FTSJ3: variants seen among roughly 807,000 people sequenced by gnomAD.
FTSJ3 encodes pre-rRNA 2'-O-ribose RNA methyltransferase FTSJ3.
In FTSJ3, 46 loss-of-function variants were observed where a neutral mutation model predicts 111.5. The ratio of observed to expected loss-of-function variants is 0.41; its 90% CI spans 0.33 to 0.53. The LOEUF is 0.53. FTSJ3 is among the 20% of genes least tolerant of loss of function. The probability of loss-of-function intolerance (pLI) is 0.19; values close to 1 mark genes in which losing one functional copy is unlikely to be tolerated. For synonymous variants in FTSJ3, 408 were observed against 383.0 expected (o/e 1.07, Z -0.76); for missense variants, 1,075 against 1,063.8 (o/e 1.01, Z -0.15).
In FTSJ3 at chr17:63,820,895, A is replaced by T. The variant is rs1434836471; in HGVS notation, c.2016T>A (p.Ala672=). 1.2e-6 allele frequency: 2 copies of T among 1,614,088 alleles called. No individual in the cohort carries two copies. Among genetic ancestry groups the T allele is most frequent in the African/African-American group, 2.7e-5 (2 of 74,936 alleles). ...ILDPEGLALG[A]VIASSKKAKR... is the part of the protein sequence containing the mutation. Reference sequence around the variant, plus strand: ...TGGCCTTTTTGGAAGAGGCAATAACAGCACCTAGAGCAAGGCCTTCGGGGT... The same window carrying T: ...TGGCCTTTTTGGAAGAGGCAATAACTGCACCTAGAGCAAGGCCTTCGGGGT... The change falls in exon 18 of 21, where the codon GCT becomes GCA. Residue 672 remains alanine (A), a synonymous_variant. Coordinates refer to ENST00000427159, the MANE Select transcript of FTSJ3 (RefSeq NM_017647.4).
intron 2 of FTSJ3, 26 bp from the exon 3 acceptor site, chr17:63,826,698 A>G (rs1179728322): frequency 6.3e-7 from 1 of 1,584,178 alleles, no homozygotes; most frequent in Non-Finnish European, 8.7e-7. Flanking sequence ...AAGTGCGCAA[A>G]CTGCTTCACT....
At chr17:63,824,547 G>T in intron 10 of FTSJ3, 90 bp downstream of exon 10, 1 of 1,423,784 alleles carries the variant, frequency 7.0e-7, no homozygotes, top group Non-Finnish European at 9.9e-7. Flanking sequence ...CAAACCTTTA[G>T]CACAGCAATA....
At position 63,820,993 on chromosome 17, in the gene FTSJ3, T is replaced by C. The variant is rs76727299; in HGVS notation, c.1972+37A>G. 5,034 of 1,609,854 alleles carry C rather than the reference T, an allele frequency of 3.1e-3. 127 individuals carry two copies. In the African/African-American group the frequency reaches 0.059, roughly 19 times the overall value. Reference sequence around the variant, plus strand: ...CAATTCCCAATACTGAGACTTCCAGTGGTCTTTTCTCATTCCACTGCATAC... The same window carrying C: ...CAATTCCCAATACTGAGACTTCCAGCGGTCTTTTCTCATTCCACTGCATAC... On this transcript the variant is annotated intron_variant, in intron 17 of 20. Transcript: ENST00000427159.
chr17:63,821,911 A>C, intron 14 of FTSJ3, 68 bp from the exon 15 acceptor site: 1 of 1,613,204 alleles, frequency 6.2e-7, no homozygotes, highest in East Asian at 2.2e-5. Context: ...TGCCCTACTC[A>C]GGCTCTGGTA....
chr17:63,821,770 C>T lies in FTSJ3; in HGVS notation c.1549G>A (p.Glu517Lys), dbSNP rs750597049. ...TGTTCTTCCTGCAGTACTGCCTTTT[C>T]CTCCAGTGGTACCAGCAGTGGATTC... is the stretch of plus-strand genomic sequence containing the variant. ...EENPLLVPLE[E>K]KAVLQEEQAN... Residue 517 changes from glutamate (E) to lysine (K), a missense_variant, in exon 15 of 21, where the codon GAA becomes AAA. Coordinates refer to ENST00000427159, the MANE Select transcript of FTSJ3 (RefSeq NM_017647.4). The T allele has an allele frequency of 1.2e-6, 2 of 1,614,160 alleles. No homozygotes were observed. Among genetic ancestry groups the T allele is most frequent in the Admixed American group, 1.7e-5 (1 of 60,032 alleles).
chr17:63,820,444 T>C lies in FTSJ3; in HGVS notation c.2073-6A>G, dbSNP rs372143344. 5 of 1,613,432 alleles carry C rather than the reference T, an allele frequency of 3.1e-6. No homozygotes were observed. The highest frequency in any genetic ancestry group is 4.2e-6 in the Non-Finnish European group (5 of 1,179,710). ...CATCCTCATTAAATGTGTACCTGAG[T>C]GGAAAGGACATCTGTCTAATATCCA... On this transcript the variant is annotated splice_region_variant and splice_polypyrimidine_tract_variant and intron_variant, in intron 18 of 20. Coordinates refer to ENST00000427159, the MANE Select transcript of FTSJ3 (RefSeq NM_017647.4).
chr17:63,823,047 G>A (rs1278998170), intron 13 of FTSJ3, among the ~76,000 whole-genome samples: 1 of 152,128 alleles, frequency 6.6e-6, no homozygotes, highest in East Asian at 1.9e-4. Context: ...GTACAACAAA[G>A]ATGACCTGAT....
chr17:63,824,201 T>C lies in FTSJ3; in HGVS notation c.1037A>G (p.Asp346Gly). ...SGEEDEGDEEDSTAGTTKQPS... is the reference protein window; with the variant it reads ...SGEEDEGDEEGSTAGTTKQPS... ...CTGCTTTGTGGTTCCAGCTGTTGAGTCCTCCTCATCACCTTCATCTTCCTC... is the reference window on the plus strand; with the variant it reads ...CTGCTTTGTGGTTCCAGCTGTTGAGCCCTCCTCATCACCTTCATCTTCCTC... The change falls in exon 12 of 21, where the codon GAC (aspartate) becomes GGC (glycine). Residue 346 changes from aspartate to glycine, a missense_variant. By Grantham distance (94) the Asp-to-Gly change is moderately conservative. This residue lies in a region of FTSJ3 where 867 missense variants were observed against 796.9 expected (regional missense o/e 1.09). Transcript: ENST00000427159. 6.2e-7 allele frequency: 1 copy of C among 1,614,000 alleles called. No individual in the cohort carries two copies. The highest frequency in any genetic ancestry group is 8.5e-7 in the Non-Finnish European group (1 of 1,180,006).
intron 13 of FTSJ3, 30 bp from the exon 14 acceptor site, chr17:63,822,198 A>G: frequency 6.3e-7 from 1 of 1,595,616 alleles, no homozygotes; most frequent in Non-Finnish European, 8.6e-7. Context: ...AAGGTAAACT[A>G]TTTAAAAGGA....
intron 5 of FTSJ3, 112 bp downstream of exon 5, chr17:63,825,944 C>G (rs934685299): frequency 3.6e-6 from 3 of 845,050 alleles, no homozygotes; most frequent in African/African-American, 1.7e-5. Flanking sequence ...GTACAGATGT[C>G]AGGCAAGAAC....
chr17:63,827,565 C>T lies in FTSJ3; in HGVS notation c.-540G>A, dbSNP rs1473385677. On this transcript the variant is annotated 5_prime_UTR_variant, in exon 1 of 21. Coordinates refer to ENST00000427159, the MANE Select transcript of FTSJ3 (RefSeq NM_017647.4). ...GCAGGTTACGGGGCTGGGTGCGGAG[C>T]GAGCGTGATCTGAGTGGAGAGCGGG... is the stretch of plus-strand genomic sequence containing the variant. 6.4e-7 allele frequency: 1 copy of T among 1,550,662 alleles called. No individual in the cohort carries two copies. The highest frequency in any genetic ancestry group is 1.4e-5 in the African/African-American group (1 of 72,904).
At chr17:63,824,989 C>G in intron 8 of FTSJ3, 59 bp downstream of exon 8, 1 of 1,584,012 alleles carries the variant, frequency 6.3e-7, no homozygotes, top group South Asian at 1.1e-5. Context: ...TAGGACCCAC[C>G]AGGCCCAACC....
intron 5 of FTSJ3, 183 bp downstream of exon 5, chr17:63,825,873 C>T: frequency 1.6e-6 from 1 of 641,910 alleles, no homozygotes. Context: ...ATTCCAAACA[C>T]CTTTATCCCT....
rs138285537 is a variant in FTSJ3 at position 63,820,909 on chromosome 17, G to A, written c.2002C>T (p.Leu668Phe). 2 of 1,614,030 alleles carry A rather than the reference G, an allele frequency of 1.2e-6. No individual in the cohort carries two copies. Among genetic ancestry groups the A allele is most frequent in the Non-Finnish European group, 1.7e-6 (2 of 1,180,024 alleles). The change falls in exon 18 of 21, where the codon CTT becomes TTT. Residue 668 changes from leucine (L) to phenylalanine (F), a missense_variant. Leu to Phe is a conservative substitution (Grantham distance 22). Coordinates refer to ENST00000427159, the MANE Select transcript of FTSJ3 (RefSeq NM_017647.4). ...AKHRILDPEG[L>F]ALGAVIASSK... The stretch of plus-strand genomic sequence containing the variant: ...GAGGCAATAACAGCACCTAGAGCAA[G>A]GCCTTCGGGGTCCAGTATCCGATGT...
Position 63,827,345 on chromosome 17 carries a change from C to T in FTSJ3, c.-320G>A. 9.1e-7 allele frequency: 1 copy of T among 1,099,018 alleles called. No homozygotes were observed. Among genetic ancestry groups the T allele is most frequent in the Non-Finnish European group, 1.3e-6 (1 of 754,832 alleles). The allele number at this position is 1,099,018 out of a possible 1,614,324, so 68.1% of individuals were successfully genotyped here. A position where few individuals can be genotyped will look rare whatever the true frequency, so the allele number is the denominator to read the frequency against. On this transcript the variant is annotated 5_prime_UTR_variant, in exon 1 of 21. It removes an upstream start codon present in the reference 5' UTR. Coordinates refer to ENST00000427159, the MANE Select transcript of FTSJ3 (RefSeq NM_017647.4). ...GAACTCGAGTAGCCGCCCCTCCCAT[C>T]ATGGTTCCCTTAGTGTGGTCTCGCC...
Position 63,827,452 on chromosome 17 carries a change from G to A in FTSJ3, c.-427C>T. On this transcript the variant is annotated 5_prime_UTR_variant, in exon 1 of 21. Coordinates refer to ENST00000427159, the MANE Select transcript of FTSJ3 (RefSeq NM_017647.4). ...CTCCGCTTCCGCGCTTGCGCGCCAAGACGGCTCGGATGCCGGCGGTCTCTG... is the reference window on the plus strand; with the variant it reads ...CTCCGCTTCCGCGCTTGCGCGCCAAAACGGCTCGGATGCCGGCGGTCTCTG... 1 of 1,551,752 alleles carries A rather than the reference G, an allele frequency of 6.4e-7. No individual in the cohort carries two copies. Among genetic ancestry groups the A allele is most frequent in the South Asian group, 1.2e-5 (1 of 84,070 alleles).
rs200565432 is a variant in FTSJ3, at chr17:63,824,890, G to A, written c.751C>T (p.Arg251Cys). 26 of 1,594,744 alleles carry A rather than the reference G, an allele frequency of 1.6e-5. No individual in the cohort carries two copies. The Admixed American group carries it at 2.9e-4, about 18-fold the overall frequency. Residue 251 changes from arginine (R) to cysteine (C), a missense_variant, in exon 9 of 21, where the codon CGT (arginine) becomes TGT (cysteine). By Grantham distance (180) the Arg-to-Cys change is radical (BLOSUM62 -3). Around this residue, in one of 2 missense-constraint regions of FTSJ3, gnomAD observed 867 missense variants for 796.9 expected, o/e 1.09. Coordinates refer to ENST00000427159, the MANE Select transcript of FTSJ3 (RefSeq NM_017647.4). ...YAEGDLTLYH[R>C]TSVTDFLRAA... ...CGGAGGAAGTCAGTGACTGAGGTAC[G>A]GTGATAGAGAGTGAGGTCACCCTCA...
rs1403079020 is a variant in FTSJ3 at position 63,826,821 on chromosome 17, C to A, written c.67+15G>T. ...ATCGCTCGCTCGCTCGCAGACTGAG[C>A]GAATCCGGACTCACCCGTCTCCTTC... is the stretch of plus-strand genomic sequence containing the variant. On this transcript the variant is annotated intron_variant, in intron 2 of 20. Transcript: ENST00000427159. The A allele has an allele frequency of 1.7e-5, 28 of 1,613,392 alleles. No homozygotes were observed. Among genetic ancestry groups the A allele is most frequent in the Non-Finnish European group, 2.2e-5 (26 of 1,179,380 alleles).
At chr17:63,820,582 C>T in intron 18 of FTSJ3, 144 bp from the exon 19 acceptor site, 1 of 805,852 alleles carries the variant, frequency 1.2e-6, no homozygotes, top group Non-Finnish European at 2.0e-6. Context: ...GGAGTTTGAC[C>T]AGCCTGGCCA....
Sources: gnomAD v4.1 joint callset for allele counts (sites outside exome capture counted in the v4.1 genomes callset) on GRCh38, gnomAD v4.1.1 for gene constraint, gnomAD v4.1.1 regional missense constraint, MANE v1.5 for transcripts, NCBI Gene and HGNC (gene_info 2026-07-23, HGNC 2026-07-21) for gene names.